The following MCM8 variants were observed in gnomAD, a reference collection of about 807,000 sequenced individuals.
MCM8 encodes DNA helicase MCM8.
Under a neutral mutation model 98.9 loss-of-function variants are expected in MCM8, and 85 were observed. The ratio of observed to expected loss-of-function variants is 0.86; its 90% CI spans 0.72 to 1.03. The LOEUF (loss-of-function observed/expected upper bound fraction) is 1.03. Ranked by LOEUF, MCM8 falls within the 50% of genes least tolerant of loss-of-function variation. MCM8 has a pLI of 0.00. For synonymous variants in MCM8, 352 were observed against 338.6 expected (o/e 1.04, Z -0.44); for missense variants, 951 against 997.8 (o/e 0.95, Z 0.63).
chr20:5,964,164 G>A (rs558389336), intron 8 of MCM8, among the ~76,000 whole-genome samples: 2 of 131,240 alleles, frequency 1.5e-5, no homozygotes, highest in African/African-American at 5.5e-5. Flanking sequence ...TTGTGTATGT[G>A]TTTTTCATCC....
At position 5,982,123 on chromosome 20, in the gene MCM8, T is replaced by C. The variant is rs369166669; in HGVS notation, c.1538-847T>C. On this transcript the variant is annotated intron_variant, in intron 13 of 18. Transcript: ENST00000610722. ...GTTGAAATAAACTAAAGGCACTGTA[T>C]GTGCCAGGAATGTCATGTCTATTGC... Among the ~76,000 whole-genome samples, 13 of 152,318 alleles carry C rather than the reference T, an allele frequency of 8.5e-5. No homozygotes were observed. In the East Asian group the frequency reaches 1.9e-3, roughly 23 times the overall value.
rs1376938156 is a variant in MCM8, at chr20:5,977,906, T to C, written c.1426T>C (p.Tyr476His). 6.2e-7 allele frequency: 1 copy of C among 1,614,102 alleles called. No individual in the cohort carries two copies. The highest frequency in any genetic ancestry group is 8.5e-7 in the Non-Finnish European group (1 of 1,180,042). The part of the protein sequence containing the change: ...AACNVAPRGV[Y>H]VCGNTTTTSG... ...GTGCAATGTTGCCCCACGTGGCGTG[T>C]ATGTTTGTGGTAACACCACGACCAC... Residue 476 changes from tyrosine (Y) to histidine (H), a missense_variant, in exon 13 of 19, where the codon TAT becomes CAT. Transcript: ENST00000610722.
chr20:5,967,904 CAG>C lies in MCM8; in HGVS notation c.1104_1105del (p.Lys369AsnfsTer5), dbSNP rs1285657416. 2 of 1,613,776 alleles carry C rather than the reference CAG, an allele frequency of 1.2e-6. No individual in the cohort carries two copies. The highest frequency in any genetic ancestry group is 3.3e-5 in the Admixed American group (2 of 59,988). On this transcript the variant is annotated frameshift_variant, in exon 10 of 19. Coordinates refer to ENST00000610722, the MANE Select transcript of MCM8 (RefSeq NM_032485.6). LOFTEE classifies it high-confidence loss of function. ...AAATTCTATTAGTAATAGCAAAGGA[CAG>C]AAAACAAAGAGTTCTGAGGATGGGT... ...EANSISNSKG[Q>X]KTKSSEDGCK...
intron 3 of MCM8, among the ~76,000 whole-genome samples, chr20:5,953,535 G>A (rs540952366): frequency 1.3e-4 from 20 of 151,570 alleles, no homozygotes; most frequent in Admixed American, 2.0e-4. Context: ...GTGCAGTGGC[G>A]CGATCTTGGC....
At chr20:5,956,881 T>TTGGGACAGAAAGTAGCAGAC (rs1254263476) in intron 5 of MCM8, among the ~76,000 whole-genome samples, 1 of 152,138 alleles carries the variant, frequency 6.6e-6, no homozygotes, top group Admixed American at 6.5e-5. Context: ...TTAGGTTTAG[T>TTGGGACAGAAAGTAGCAGAC]TGGGACAGAA....
chr20:5,960,297 T>C (rs538205680), intron 7 of MCM8, among the ~76,000 whole-genome samples: 2 of 152,150 alleles, frequency 1.3e-5, no homozygotes, highest in African/African-American at 4.8e-5. Flanking sequence ...TTTTGTTTTT[T>C]AGAGATGGGG....
At chr20:5,953,801 A>G (rs2088899117) in intron 3 of MCM8, among the ~76,000 whole-genome samples, 1 of 151,274 alleles carries the variant, frequency 6.6e-6, no homozygotes, top group Non-Finnish European at 1.5e-5. Context: ...GGAAAACTAG[A>G]CGTTTGAGGT....
chr20:5,959,837 T>C (rs1057391031), intron 7 of MCM8, among the ~76,000 whole-genome samples: 18 of 152,002 alleles, frequency 1.2e-4, no homozygotes, highest in African/African-American at 3.9e-4. Context: ...TAGCTGGGAC[T>C]ACAGGCACGC....
Position 5,955,185 on chromosome 20 carries a change from T to G in MCM8, c.420T>G (p.Asp140Glu), listed in dbSNP as rs780472626. Residue 140 changes from aspartate to glutamate, a missense_variant, in exon 5 of 19, where the codon GAT (aspartate) becomes GAG (glutamate). Physicochemically the swap from Asp to Glu is conservative, Grantham distance 45. Coordinates refer to ENST00000610722, the MANE Select transcript of MCM8 (RefSeq NM_032485.6). ...GTGAAGTAACTAACTTGATACCAGA[T>G]ATAGCAACTGAACTAAGAGATGCAC... Reference protein sequence around the residue: ...EGGEVTNLIPDIATELRDAPE... With the variant: ...EGGEVTNLIPEIATELRDAPE... 1.9e-6 allele frequency: 3 copies of G among 1,613,966 alleles called. No individual in the cohort carries two copies. In the South Asian group the frequency reaches 3.3e-5, roughly 18 times the overall value.
chr20:5,976,139 A>T lies in MCM8; in HGVS notation c.1396-1737A>T, dbSNP rs80231220. The stretch of plus-strand genomic sequence containing the variant: ...AGATCCCATCTCTAAAAACAATTTT[A>T]AAAAAAATTAGGTGTGGTGGCATGT... On this transcript the variant is annotated intron_variant, in intron 12 of 18. Coordinates refer to ENST00000610722, the MANE Select transcript of MCM8 (RefSeq NM_032485.6). Among the ~76,000 whole-genome samples, 2,107 of 152,220 alleles carry T rather than the reference A, an allele frequency of 0.014. 153 individuals are homozygous for T. In the East Asian group the frequency reaches 0.23, roughly 17 times the overall value.
chr20:5,965,090 CTAATTA>C (rs1325098296), intron 8 of MCM8: 1 of 152,178 alleles, frequency 6.6e-6, no homozygotes, highest in Non-Finnish European at 1.5e-5. Context: ...CTTTTGTCTT[CTAATTA>C]TAATTGTCTT....
rs764425360 is a variant in MCM8 at position 5,993,615 on chromosome 20, A to G, written c.2350A>G (p.Asn784Asp). The change falls in exon 18 of 19, where the codon AAC becomes GAC. Residue 784 changes from asparagine (N) to aspartate (D), a missense_variant. Transcript: ENST00000610722. ...STAKRFISAL[N>D]NVAERTYNNI... ...AGCGAAAAGATTTATTTCTGCTCTC[A>G]ACAACGTTGCTGAAAGAACTTATAA... is the stretch of plus-strand genomic sequence containing the variant. 4 of 1,612,522 alleles carry G rather than the reference A, an allele frequency of 2.5e-6. No individual in the cohort carries two copies. The highest frequency in any genetic ancestry group is 1.1e-5 in the South Asian group (1 of 90,826).
In MCM8 at chr20:5,952,181, T is replaced by C; in HGVS notation, c.148+18T>C. 1 of 1,609,070 alleles carries C rather than the reference T, an allele frequency of 6.2e-7. No individual in the cohort carries two copies. The highest frequency in any genetic ancestry group is 8.5e-7 in the Non-Finnish European group (1 of 1,178,006). On this transcript the variant is annotated intron_variant, in intron 2 of 18. Coordinates refer to ENST00000610722, the MANE Select transcript of MCM8 (RefSeq NM_032485.6). ...TACTTCTGGTAGGTGAGGTCAATGA[T>C]TGTTCAATTTTTTTCACTTAAGGAA... is the stretch of plus-strand genomic sequence containing the variant.
chr20:5,996,602 T>C lies in MCM8; in HGVS notation c.*2211T>C, dbSNP rs1004361599. The C allele has an allele frequency of 2.0e-5, 3 of 152,080 alleles. No homozygotes were observed. The highest frequency in any genetic ancestry group is 7.2e-5 in the African/African-American group (3 of 41,400). 9.4% of individuals were successfully genotyped at this position (152,080 alleles called of 1,614,324 possible). On this transcript the variant is annotated 3_prime_UTR_variant, in exon 19 of 19. Coordinates refer to ENST00000610722, the MANE Select transcript of MCM8 (RefSeq NM_032485.6). ...CACAAAAGTCAACACATAAATAATA[T>C]CAACCAAAATAAAGTGGTAGACAGA...
At chr20:5,984,362 T>C (rs2089688144) in intron 14 of MCM8, among the ~76,000 whole-genome samples, 2 of 152,212 alleles carry the variant, frequency 1.3e-5, no homozygotes, top group African/African-American at 4.8e-5. Flanking sequence ...TTTTCTTTAG[T>C]AAAATGACAA....
rs2088846759 is a variant in MCM8 at position 5,952,168 on chromosome 20, G to A, written c.148+5G>A. 6.2e-7 allele frequency: 1 copy of A among 1,612,744 alleles called. No homozygotes were observed. The highest frequency in any genetic ancestry group is 1.3e-5 in the African/African-American group (1 of 74,842). On this transcript the variant is annotated splice_donor_5th_base_variant and intron_variant, in intron 2 of 18. Transcript: ENST00000610722. ...CCACAGGAAAACGTACTTCTGGTAG[G>A]TGAGGTCAATGATTGTTCAATTTTT...
chr20:5,952,990 C>CA (rs1273385420), intron 3 of MCM8, among the ~76,000 whole-genome samples: 1 of 152,214 alleles, frequency 6.6e-6, no homozygotes, highest in Non-Finnish European at 1.5e-5. Context: ...GGCTACCTTA[C>CA]AGAGCTGTGC....
intron 10 of MCM8, among the ~76,000 whole-genome samples, chr20:5,968,995 A>C (rs2089341002): frequency 6.6e-6 from 1 of 152,224 alleles, no homozygotes; most frequent in South Asian, 2.1e-4. Flanking sequence ...GACAAACCTA[A>C]GTTAGACTCC....
chr20:5,981,402 G>A (rs2089627623), intron 13 of MCM8, among the ~76,000 whole-genome samples: 1 of 152,088 alleles, frequency 6.6e-6, no homozygotes, highest in Non-Finnish European at 1.5e-5. Context: ...TAATGCACTG[G>A]GATCCCCTGC....
Sources: gnomAD v4.1 joint callset for allele counts (sites outside exome capture counted in the v4.1 genomes callset) on GRCh38, gnomAD v4.1.1 for gene constraint, MANE v1.5 for transcripts, NCBI Gene and HGNC (gene_info 2026-07-23, HGNC 2026-07-21) for gene names.